The following FMN1 variants were observed in gnomAD, a reference collection of about 807,000 sequenced individuals.
FMN1 encodes formin-1.
In FMN1, 110 loss-of-function variants were observed where a neutral mutation model predicts 132.4. The ratio of observed to expected loss-of-function variants is 0.83; its 90% CI spans 0.71 to 0.97. The LOEUF is 0.97. FMN1 is among the 50% of genes least tolerant of loss of function. FMN1 has a pLI of 0.00. For missense variants in FMN1, 1,792 were observed against 1,705.3 expected, an observed-to-expected ratio of 1.05 and a Z score of -0.90; for synonymous variants, 722 against 651.7, an observed-to-expected ratio of 1.11 and a Z score of -1.64.
intron 3 of FMN1, among the ~76,000 whole-genome samples, chr15:33,162,060 GCA>G (rs1461378391): frequency 6.6e-6 from 1 of 151,956 alleles, no homozygotes. Flanking sequence ...CACCCACGCT[GCA>G]GTGCAGTGGC....
At position 32,939,181 on chromosome 15, in the gene FMN1, G is replaced by C. The variant is rs539255221; in HGVS notation, c.3139-12920C>G. Among the ~76,000 whole-genome samples the C allele has an allele frequency of 2.0e-4, 31 of 152,312 alleles. No homozygotes were observed. In the East Asian group the frequency reaches 6.0e-3, roughly 29 times the overall value. On this transcript the variant is annotated intron_variant, in intron 9 of 20. Coordinates refer to ENST00000616417, the MANE Select transcript of FMN1 (RefSeq NM_001277313.2). ...TTTCCAGAGTGATAACAATACTTCAGGCTCAAGAGTCCTGTAAAGTATGTA... is the reference window on the plus strand; with the variant it reads ...TTTCCAGAGTGATAACAATACTTCACGCTCAAGAGTCCTGTAAAGTATGTA...
intron 4 of FMN1, among the ~76,000 whole-genome samples, chr15:33,095,785 G>T (rs1215075139): frequency 6.6e-6 from 1 of 152,092 alleles, no homozygotes; most frequent in Non-Finnish European, 1.5e-5. Context: ...TTATTATGAG[G>T]ATGGTTGCAC....
At chr15:32,938,620 T>C (rs184494355) in intron 9 of FMN1, among the ~76,000 whole-genome samples, 3 of 152,328 alleles carry the variant, frequency 2.0e-5, no homozygotes, top group African/African-American at 2.4e-5. Flanking sequence ...TGTATTTTCA[T>C]AGGACTCATA....
intron 6 of FMN1, among the ~76,000 whole-genome samples, chr15:33,015,297 T>C (rs960033863): frequency 6.6e-6 from 1 of 152,190 alleles, no homozygotes; most frequent in Non-Finnish European, 1.5e-5. Flanking sequence ...TTCATAATTC[T>C]GTAAAAGGGG....
At chr15:33,067,361 T>G in intron 5 of FMN1, 1 of 1,614,000 alleles carries the variant, frequency 6.2e-7, no homozygotes, top group Non-Finnish European at 8.5e-7. Flanking sequence ...CTGAGATGGC[T>G]CAGATAAAAC....
At chr15:32,922,096 C>A (rs1187529469) in intron 10 of FMN1, among the ~76,000 whole-genome samples, 2 of 152,158 alleles carry the variant, frequency 1.3e-5, no homozygotes, top group African/African-American at 4.8e-5. Flanking sequence ...ATAGCCAATT[C>A]TACTATAATG....
intron 4 of FMN1, among the ~76,000 whole-genome samples, chr15:33,111,864 T>C (rs1234596542): frequency 6.6e-6 from 1 of 152,106 alleles, no homozygotes; most frequent in East Asian, 1.9e-4. Flanking sequence ...TAAAGTTGAT[T>C]TTGATGATGG....
chr15:33,076,104 TG>T (rs1330141845), intron 5 of FMN1, among the ~76,000 whole-genome samples: 1 of 152,052 alleles, frequency 6.6e-6, no homozygotes, highest in Admixed American at 6.6e-5. Context: ...CTTCTGAAGC[TG>T]GGGGGCAGGG....
intron 11 of FMN1, among the ~76,000 whole-genome samples, chr15:32,909,321 C>T (rs969170812): frequency 6.6e-6 from 1 of 152,204 alleles, no homozygotes; most frequent in East Asian, 1.9e-4. Flanking sequence ...CCTCTTTCTG[C>T]CTCTATACCT....
chr15:33,157,765 G>T (rs1381964450), intron 3 of FMN1, among the ~76,000 whole-genome samples: 2 of 152,126 alleles, frequency 1.3e-5, no homozygotes, highest in East Asian at 3.8e-4. Flanking sequence ...GCCAAGGCGG[G>T]AGGTTGCTTG....
rs1596492705 is a variant in FMN1, at chr15:33,023,192, T to C, written c.2162-15117A>G. Among the ~76,000 whole-genome samples the C allele has an allele frequency of 2.0e-5, 3 of 151,608 alleles. No homozygotes were observed. The South Asian group carries it at 6.3e-4, about 32-fold the overall frequency. On this transcript the variant is annotated intron_variant, in intron 6 of 20. Transcript: ENST00000616417. ...CCAATACGCTATTATAAGAGCGACTTAGTCTGGGGGTCTTACCTGGTAAGA... is the reference window on the plus strand; with the variant it reads ...CCAATACGCTATTATAAGAGCGACTCAGTCTGGGGGTCTTACCTGGTAAGA...
At chr15:32,937,871 T>C (rs1249623449) in intron 9 of FMN1, among the ~76,000 whole-genome samples, 1 of 152,218 alleles carries the variant, frequency 6.6e-6, no homozygotes, top group East Asian at 1.9e-4. Context: ...CCTTAAGATA[T>C]GCAAAATAAC....
chr15:32,848,699 G>A (rs943370965), intron 17 of FMN1, among the ~76,000 whole-genome samples: 4 of 152,082 alleles, frequency 2.6e-5, no homozygotes, highest in African/African-American at 2.4e-5. Flanking sequence ...TGTGAAGTGC[G>A]AAGTACTATA....
At chr15:33,161,137 C>G (rs538449726) in intron 3 of FMN1, among the ~76,000 whole-genome samples, 4 of 152,362 alleles carry the variant, frequency 2.6e-5, no homozygotes, top group African/African-American at 9.6e-5. Context: ...GTGACTCCAT[C>G]TGAGCCCAAC....
At chr15:33,073,599 T>C (rs345804) in intron 5 of FMN1, among the ~76,000 whole-genome samples, 126,166 of 152,150 alleles carry the variant, frequency 0.83, 52,477 homozygotes, top group African/African-American at 0.89. Context: ...TATAACATCA[T>C]AAGGAGTCAA....
intron 4 of FMN1, among the ~76,000 whole-genome samples, chr15:33,120,796 T>C (rs970352761): frequency 1.3e-5 from 2 of 152,322 alleles, no homozygotes; most frequent in East Asian, 3.9e-4. Context: ...TTTAATCCTA[T>C]GAACATTCTT....
chr15:33,006,368 C>T (rs2034415552), intron 7 of FMN1, among the ~76,000 whole-genome samples: 1 of 151,824 alleles, frequency 6.6e-6, no homozygotes, highest in Admixed American at 6.6e-5. Context: ...GTTAGAATCG[C>T]TATTGCCAAA....
chr15:32,809,858 G>T (rs2057811731), intron 17 of FMN1, among the ~76,000 whole-genome samples: 1 of 152,012 alleles, frequency 6.6e-6, no homozygotes, highest in African/African-American at 2.4e-5. Flanking sequence ...TTTCAGAGTT[G>T]CAACCAAAAT....
chr15:33,021,615 C>CTATA (rs2035421140), intron 6 of FMN1, among the ~76,000 whole-genome samples: 1 of 152,056 alleles, frequency 6.6e-6, no homozygotes, highest in South Asian at 2.1e-4. Context: ...AAATTCGTGG[C>CTATA]TATATCTCTG....
Sources: gnomAD v4.1 joint callset for allele counts (sites outside exome capture counted in the v4.1 genomes callset) on GRCh38, gnomAD v4.1.1 for gene constraint, MANE v1.5 for transcripts, NCBI Gene and HGNC (gene_info 2026-07-23, HGNC 2026-07-21) for gene names.